Variants in CACNA1C observed in about 807,000 individuals in gnomAD.
CACNA1C encodes calcium voltage-gated channel subunit alpha1 C, also known as voltage-dependent L-type calcium channel subunit alpha-1C.
In CACNA1C, 30 loss-of-function variants were observed where a neutral mutation model predicts 229.0. The observed-to-expected ratio is 0.13, with a 90% CI of 0.10 to 0.18. The LOEUF is 0.18. Ranked by LOEUF, CACNA1C falls within the 10% of genes least tolerant of loss-of-function variation. CACNA1C has a pLI of 1.00. For missense variants in CACNA1C, 1,658 were observed against 2,845.0 expected (o/e 0.58, Z 9.49); for synonymous variants, 1,114 against 1,132.5 (o/e 0.98, Z 0.33).
intron 7 of CACNA1C, among the ~76,000 whole-genome samples, chr12:2,497,038 C>T (rs2099748139): frequency 6.6e-6 from 1 of 152,148 alleles, no homozygotes; most frequent in African/African-American, 2.4e-5. Flanking sequence ...GTTTTCCATT[C>T]TTAGTTTCAC....
intron 3 of CACNA1C, among the ~76,000 whole-genome samples, chr12:2,301,399 AG>A (rs2094548768): frequency 1.3e-5 from 2 of 152,236 alleles, no homozygotes. Flanking sequence ...CCAGCAGTTT[AG>A]CACAGAGGCA....
chr12:2,212,898 A>G (rs1371640467), intron 3 of CACNA1C, among the ~76,000 whole-genome samples: 1 of 152,210 alleles, frequency 6.6e-6, no homozygotes, highest in Non-Finnish European at 1.5e-5. Context: ...GCCAAACTGG[A>G]AGATCCTGAA....
At chr12:2,092,933 C>T (rs1322181323) in intron 1 of CACNA1C, among the ~76,000 whole-genome samples, 1 of 152,206 alleles carries the variant, frequency 6.6e-6, no homozygotes, top group African/African-American at 2.4e-5. Context: ...GGCCTCTTCC[C>T]TTCACCTAAA....
intron 3 of CACNA1C, among the ~76,000 whole-genome samples, chr12:2,136,122 G>T (rs564679173): frequency 2.0e-5 from 3 of 151,126 alleles, no homozygotes; most frequent in Non-Finnish European, 4.4e-5. Flanking sequence ...CTCCCTGACC[G>T]CTTGCGCTTC....
intron 38 of CACNA1C, among the ~76,000 whole-genome samples, chr12:2,673,331 T>A (rs1297225429): frequency 6.6e-6 from 1 of 152,056 alleles, no homozygotes. Flanking sequence ...CTGGGCATGG[T>A]GGCCCATGCC....
intron 3 of CACNA1C, among the ~76,000 whole-genome samples, chr12:2,378,601 T>A (rs2098140097): frequency 6.6e-6 from 1 of 152,136 alleles, no homozygotes. Context: ...AATCATAAAA[T>A]TCACAGAAAG....
intron 1 of CACNA1C, among the ~76,000 whole-genome samples, chr12:2,008,889 C>A (rs2043926155): frequency 6.6e-6 from 1 of 152,182 alleles, no homozygotes; most frequent in Admixed American, 6.5e-5. Context: ...AAAGCTCTGA[C>A]CTTCTAGGAT....
chr12:2,229,771 C>T (rs954586064), intron 3 of CACNA1C, among the ~76,000 whole-genome samples: 1 of 152,174 alleles, frequency 6.6e-6, no homozygotes, highest in Non-Finnish European at 1.5e-5. Context: ...GCCTGGCAGG[C>T]TCAAGGGCGA....
intron 1 of CACNA1C, among the ~76,000 whole-genome samples, chr12:2,088,496 G>A (rs924919142): frequency 5.9e-5 from 9 of 152,112 alleles, no homozygotes; most frequent in Admixed American, 4.6e-4. Context: ...CTGTGAAGTG[G>A]GCGTCATAAT....
At chr12:2,008,224 C>T (rs1017498666) in intron 1 of CACNA1C, among the ~76,000 whole-genome samples, 1 of 152,114 alleles carries the variant, frequency 6.6e-6, no homozygotes, top group African/African-American at 2.4e-5. Flanking sequence ...TTCAAGCACT[C>T]CTCCCACCCC....
At chr12:2,383,632 T>C (rs2098309744) in intron 3 of CACNA1C, among the ~76,000 whole-genome samples, 1 of 152,110 alleles carries the variant, frequency 6.6e-6, no homozygotes, top group Non-Finnish European at 1.5e-5. Flanking sequence ...ATAATAATCA[T>C]CCTAAGAAAG....
chr12:2,185,903 A>G (rs543153379), intron 3 of CACNA1C, among the ~76,000 whole-genome samples: 1 of 152,162 alleles, frequency 6.6e-6, no homozygotes, highest in Admixed American at 6.5e-5. Flanking sequence ...GACTTCCTGC[A>G]GTCTCTCAGG....
chr12:2,124,109 CGTGT>C (rs36202591), intron 3 of CACNA1C, among the ~76,000 whole-genome samples: 13,275 of 145,432 alleles, frequency 0.091, 720 homozygotes, highest in African/African-American at 0.15. Flanking sequence ...TGGTCTAGCT[CGTGT>C]GTGTGTGTGT....
intron 1 of CACNA1C, among the ~76,000 whole-genome samples, chr12:1,973,053 G>A (rs183508922): frequency 3.3e-5 from 5 of 152,186 alleles, no homozygotes; most frequent in Admixed American, 1.3e-4. Flanking sequence ...GCTTTCCTCC[G>A]GCATGTTCTC....
In CACNA1C at chr12:2,689,712, G is replaced by A. The variant is rs1216015873; in HGVS notation, c.6117+933G>A. On this transcript the variant is annotated intron_variant, in intron 46 of 46. Transcript: ENST00000399655. The surrounding 1 kb of genome is among the most constrained non-coding windows in gnomAD (Gnocchi z 4.2). The stretch of plus-strand genomic sequence containing the variant: ...CAAAGTCTGGTATTCCTGTGGCCTC[G>A]ATCATCCTGCATTCATTTCACAGAC... Among the ~76,000 whole-genome samples, 2 of 152,036 alleles carry A rather than the reference G, an allele frequency of 1.3e-5. No homozygotes were observed. Among genetic ancestry groups the A allele is most frequent in the African/African-American group, 2.4e-5 (1 of 41,376 alleles).
intron 3 of CACNA1C, among the ~76,000 whole-genome samples, chr12:2,259,084 T>G (rs2079063703): frequency 6.6e-6 from 1 of 152,204 alleles, no homozygotes; most frequent in African/African-American, 2.4e-5. Flanking sequence ...GAACTCAATA[T>G]TTCCTTCACT....
intron 1 of CACNA1C, among the ~76,000 whole-genome samples, chr12:2,092,592 G>T (rs2071715134): frequency 1.3e-5 from 2 of 152,208 alleles, no homozygotes; most frequent in Non-Finnish European, 2.9e-5. Context: ...GCCAAGGACA[G>T]TTGGCGTCCT....
intron 4 of CACNA1C, among the ~76,000 whole-genome samples, chr12:2,452,081 C>T (rs1167253416): frequency 6.6e-6 from 1 of 152,148 alleles, no homozygotes; most frequent in Non-Finnish European, 1.5e-5. Flanking sequence ...CTATCCTTGG[C>T]CCCTCTTCTG....
At chr12:2,026,415 A>C (rs2047334175) in intron 1 of CACNA1C, among the ~76,000 whole-genome samples, 6 of 152,198 alleles carry the variant, frequency 3.9e-5, no homozygotes. Context: ...GGGGTTGAGG[A>C]GTGAGCCTCA....
Sources: gnomAD v4.1 joint callset for allele counts (sites outside exome capture counted in the v4.1 genomes callset) on GRCh38, gnomAD v4.1.1 for gene constraint, Gnocchi (gnomAD v3.1) non-coding constraint, MANE v1.5 for transcripts, NCBI Gene and HGNC (gene_info 2026-07-23, HGNC 2026-07-21) for gene names.